Variants in CNTLN observed in about 807,000 individuals in gnomAD.
CNTLN encodes the protein centlein, centrosomal protein.
CNTLN carries 212 observed loss-of-function variants against 180.0 expected under a neutral mutation model. That is an observed-to-expected ratio of 1.18 (90% CI 1.05 to 1.32). The LOEUF (loss-of-function observed/expected upper bound fraction) is 1.32. CNTLN is among the 40% of genes most tolerant of loss of function. CNTLN has a pLI of 0.00. For synonymous variants in CNTLN, 722 were observed against 563.1 expected, an observed-to-expected ratio of 1.28 and a Z score of -3.99; for missense variants, 2,095 against 1,610.9, an observed-to-expected ratio of 1.30 and a Z score of -5.14.
At chr9:17,194,662 C>G (rs1822008568) in intron 2 of CNTLN, among the ~76,000 whole-genome samples, 1 of 152,102 alleles carries the variant, frequency 6.6e-6, no homozygotes, top group Non-Finnish European at 1.5e-5. Context: ...TCTTCTGAGC[C>G]CTCCAAACTG....
intron 2 of CNTLN, among the ~76,000 whole-genome samples, chr9:17,166,543 A>T (rs1161724430): frequency 6.6e-6 from 1 of 152,186 alleles, no homozygotes; most frequent in Non-Finnish European, 1.5e-5. Flanking sequence ...AAGGCACATT[A>T]TTATGCAATT....
intron 18 of CNTLN, among the ~76,000 whole-genome samples, chr9:17,423,863 T>A (rs1055412964): frequency 5.3e-5 from 8 of 152,078 alleles, no homozygotes; most frequent in Admixed American, 2.0e-4. Flanking sequence ...CTCGGCTCAG[T>A]GTAGCACTGC....
rs762108487 is a variant in CNTLN, at chr9:17,135,241, G to T, written c.176G>T (p.Gly59Val). 2.5e-6 allele frequency: 4 copies of T among 1,608,136 alleles called. No individual in the cohort carries two copies. ...VADESDKIWV[G>V]EEGSGGRRGP... ...GACGAAAGTGATAAAATCTGGGTGG[G>T]TGAAGAAGGGTCAGGGGGCCGGCGA... The change falls in exon 1 of 26, where the codon GGT becomes GTT. Residue 59 changes from glycine (G) to valine (V), a missense_variant. Coordinates refer to ENST00000380647, the MANE Select transcript of CNTLN (RefSeq NM_017738.4).
At chr9:17,378,586 G>T (rs111930901) in intron 13 of CNTLN, among the ~76,000 whole-genome samples, 2,921 of 151,994 alleles carry the variant, frequency 0.019, 56 homozygotes, top group African/African-American at 0.049. Flanking sequence ...TTTTATTTTT[G>T]GATGTTTTAT....
Position 17,330,794 on chromosome 9 carries a change from G to C in CNTLN, c.1504G>C (p.Glu502Gln). The C allele has an allele frequency of 6.2e-7, 1 of 1,606,818 alleles. No individual in the cohort carries two copies. Among genetic ancestry groups the C allele is most frequent in the East Asian group, 2.3e-5 (1 of 44,402 alleles). ...CCGAAAGAGCATCATGACAAGTGCT[G>C]AAGGAAAACATAAGGTAGGGACATT... ...FSRKSIMTSA[E>Q]GKHKEPPVKR... Residue 502 changes from glutamate (E) to glutamine (Q), a missense_variant, in exon 9 of 26, where the codon GAA becomes CAA. Physicochemically the swap from Glu to Gln is conservative, Grantham distance 29. Transcript: ENST00000380647.
intron 8 of CNTLN, among the ~76,000 whole-genome samples, chr9:17,312,631 C>A (rs1176963333): frequency 6.7e-6 from 1 of 148,326 alleles, no homozygotes; most frequent in Non-Finnish European, 1.5e-5. Flanking sequence ...TCTCGATCTC[C>A]TGGCCTCGTT....
intron 1 of CNTLN, among the ~76,000 whole-genome samples, chr9:17,142,697 C>T (rs1818189162): frequency 6.6e-6 from 1 of 152,132 alleles, no homozygotes; most frequent in African/African-American, 2.4e-5. Context: ...CATACTGATG[C>T]TTGGCTCTAA....
the CNTLN span, among the ~76,000 whole-genome samples, chr9:17,526,559 C>G: frequency 3.5e-4 from 53 of 152,230 alleles, no homozygotes; most frequent in African/African-American, 1.1e-3. Context: ...TAAGTGTGCA[C>G]CAAAATATTT....
intron 2 of CNTLN, among the ~76,000 whole-genome samples, chr9:17,150,234 G>A (rs1818763314): frequency 6.6e-6 from 1 of 152,212 alleles, no homozygotes; most frequent in Admixed American, 6.5e-5. Flanking sequence ...CCATGCATAT[G>A]TCCTGAATGG....
At chr9:17,457,746 A>G in intron 19 of CNTLN, 31 bp downstream of exon 19, 4 of 1,285,798 alleles carry the variant, frequency 3.1e-6, no homozygotes, top group Non-Finnish European at 4.1e-6. Flanking sequence ...GCATGAAAAC[A>G]TACATTATGC....
chr9:17,466,812 G>T lies in CNTLN; in HGVS notation c.3776G>T (p.Ser1259Ile). ...CAGCTTCAAGAATTAGCATTGCAAA[G>T]TGAACAGGTCCTAGAAGGTGCACAG... ...SKQLQELALQ[S>I]EQVLEGAQKT... The change falls in exon 23 of 26, where the codon AGT becomes ATT. Residue 1259 changes from serine to isoleucine, a missense_variant. Transcript: ENST00000380647. 5 of 1,611,236 alleles carry T rather than the reference G, an allele frequency of 3.1e-6. No homozygotes were observed. Among genetic ancestry groups the T allele is most frequent in the Non-Finnish European group, 4.2e-6 (5 of 1,178,014 alleles).
intron 18 of CNTLN, among the ~76,000 whole-genome samples, chr9:17,425,416 A>G (rs1829012946): frequency 6.6e-6 from 1 of 152,224 alleles, no homozygotes; most frequent in African/African-American, 2.4e-5. Flanking sequence ...ATCTGCTGCT[A>G]GAAGCTGACT....
chr9:17,151,322 T>C (rs1027470061), intron 2 of CNTLN, among the ~76,000 whole-genome samples: 2 of 152,232 alleles, frequency 1.3e-5, no homozygotes, highest in African/African-American at 2.4e-5. Flanking sequence ...ATATGTCCCA[T>C]TGATACCTAG....
chr9:17,149,012 C>A (rs143697697), intron 2 of CNTLN, among the ~76,000 whole-genome samples: 9 of 152,116 alleles, frequency 5.9e-5, no homozygotes, highest in African/African-American at 2.2e-4. Flanking sequence ...GCTCCCCTCC[C>A]TGTGTCCATG....
chr9:17,382,157 G>C (rs1825309289), intron 13 of CNTLN, among the ~76,000 whole-genome samples: 1 of 152,172 alleles, frequency 6.6e-6, no homozygotes, highest in Admixed American at 6.5e-5. Context: ...TTTCTAGATA[G>C]TCTGACCCAA....
chr9:17,202,144 T>C (rs1237840832), intron 2 of CNTLN, among the ~76,000 whole-genome samples: 3 of 152,240 alleles, frequency 2.0e-5, no homozygotes, highest in Non-Finnish European at 2.9e-5. Flanking sequence ...CTGTGAGGTT[T>C]TGAATGAGTT....
the CNTLN span, among the ~76,000 whole-genome samples, chr9:17,523,876 A>T: frequency 1.3e-5 from 2 of 152,216 alleles, no homozygotes; most frequent in South Asian, 2.1e-4. Context: ...CATCAGTTGA[A>T]CATATTCCTC....
At chr9:17,278,487 C>T (rs1382625016) in intron 6 of CNTLN, among the ~76,000 whole-genome samples, 1 of 152,006 alleles carries the variant, frequency 6.6e-6, no homozygotes, top group Non-Finnish European at 1.5e-5. Context: ...ACCTCTGTGT[C>T]TTTCCTCAAA....
At chr9:17,367,089 T>G (rs115487312) in intron 13 of CNTLN, among the ~76,000 whole-genome samples, 2,626 of 152,240 alleles carry the variant, frequency 0.017, 90 homozygotes, top group African/African-American at 0.06. Context: ...AAAGAGGCAC[T>G]GAAGAGGGTA....
Sources: allele counts gnomAD v4.1 joint callset (sites outside exome capture counted in the v4.1 genomes callset), GRCh38; gene constraint gnomAD v4.1.1; transcripts MANE v1.5; gene names NCBI Gene and HGNC (gene_info 2026-07-23, HGNC 2026-07-21).